CRMP1: variants seen among roughly 807,000 people sequenced by gnomAD.
CRMP1 encodes the protein collapsin response mediator protein 1.
In CRMP1, 19 loss-of-function variants were observed where a neutral mutation model predicts 68.3. The observed-to-expected ratio is 0.28, with a 90% confidence interval of 0.19 to 0.41. The LOEUF is 0.41. Ranked by LOEUF, CRMP1 falls within the 10% of genes least tolerant of loss-of-function variation. The probability of loss-of-function intolerance (pLI) is 1.00; values close to 1 mark genes in which losing one functional copy is unlikely to be tolerated. For missense variants in CRMP1, 791 were observed against 967.4 expected (o/e 0.82, Z 2.42); for synonymous variants, 439 against 399.6 (o/e 1.10, Z -1.18).
In CRMP1 at chr4:5,843,884, G is replaced by A. The variant is rs1395042785; in HGVS notation, c.964-723C>T. Among the ~76,000 whole-genome samples, 1 of 152,090 alleles carries A rather than the reference G, an allele frequency of 6.6e-6. No individual in the cohort carries two copies. Among genetic ancestry groups the A allele is most frequent in the Non-Finnish European group, 1.5e-5 (1 of 68,026 alleles). On this transcript the variant is annotated intron_variant, in intron 6 of 13. Transcript: ENST00000324989. The surrounding 1 kb of genome is among the most constrained non-coding windows in gnomAD (Gnocchi z 4.1). The stretch of plus-strand genomic sequence containing the variant: ...AAACTTATCATATAACCTTGAAATG[G>A]TTCCCTGGGCTGATGGCCTAGATTC...
At chr4:5,857,043 T>TCA (rs1247347794) in intron 3 of CRMP1, among the ~76,000 whole-genome samples, 7 of 65,358 alleles carry the variant, frequency 1.1e-4, no homozygotes, top group Admixed American at 1.1e-3. Context: ...CCATCCACTA[T>TCA]TATCACCACT....
rs1438781047 is a variant in CRMP1, at chr4:5,834,901, C to T, written c.1623+1014G>A. Among the ~76,000 whole-genome samples, 1 of 152,222 alleles carries T rather than the reference C, an allele frequency of 6.6e-6. No individual in the cohort carries two copies. Among genetic ancestry groups the T allele is most frequent in the Non-Finnish European group, 1.5e-5 (1 of 68,040 alleles). ...TGAGCCGGACAAGGTCAGTGAGCAG[C>T]TACCGAGACCTCTGCTTCTGCAGGC... On this transcript the variant is annotated intron_variant, in intron 11 of 13. Transcript: ENST00000324989. This position sits in a 1 kb window ranked among gnomAD's most constrained non-coding sequence, Gnocchi z 4.3.
At position 5,846,067 on chromosome 4, in the gene CRMP1, G is replaced by A. The variant is rs186602885; in HGVS notation, c.964-2906C>T. 2.3e-3 allele frequency among the ~76,000 whole-genome samples: 352 copies of A among 152,240 alleles called. 3 individuals are homozygous for A. The highest frequency in any genetic ancestry group is 7.8e-3 in the African/African-American group (324 of 41,534). ...TCCCAGCACTGTGGGAGGCCGAGGC[G>A]GGCAGATCACTTGAGGTCGGGAGTT... On this transcript the variant is annotated intron_variant, in intron 6 of 13. Coordinates refer to ENST00000324989, the MANE Select transcript of CRMP1 (RefSeq NM_001014809.3).
At chr4:5,840,054 T>C (rs1223196499) in intron 8 of CRMP1, among the ~76,000 whole-genome samples, 3 of 152,220 alleles carry the variant, frequency 2.0e-5, no homozygotes, top group African/African-American at 4.8e-5. Context: ...CTTAGGAATC[T>C]AGTTCAAGAG....
chr4:5,859,484 T>C lies in CRMP1; in HGVS notation c.655+1542A>G, dbSNP rs3890133. On this transcript the variant is annotated intron_variant, in intron 3 of 13. Coordinates refer to ENST00000324989, the MANE Select transcript of CRMP1 (RefSeq NM_001014809.3). The surrounding 1 kb of genome is among the most constrained non-coding windows in gnomAD (Gnocchi z 5.2). ...CCATGCCCATCTCTCAGAACTCTCA[T>C]GTCCCATGCACTACATGAAGGAATC... Among the ~76,000 whole-genome samples the C allele has an allele frequency of 0.4, 61,549 of 152,084 alleles. 15,391 individuals are homozygous for C. The highest frequency in any genetic ancestry group is 0.76 in the East Asian group (3,887 of 5,144).
chr4:5,825,574 G>T lies in CRMP1; in HGVS notation c.1889C>A (p.Ala630Asp). ...AGAAGGCGAAGATTTGGCTGAAGGA[G>T]CGGGAGTTGCATATTTGGGTGTAGC... ...VPATPKYATP[A>D]PSAKSSPSKH... is the part of the protein sequence containing the mutation. Residue 630 changes from alanine (A) to aspartate (D), a missense_variant, in exon 13 of 14, where the codon GCT becomes GAT. This residue lies in a region of CRMP1 where 594 missense variants were observed against 763.6 expected (regional missense o/e 0.78). Coordinates refer to ENST00000324989, the MANE Select transcript of CRMP1 (RefSeq NM_001014809.3). This position sits in a 1 kb window ranked among gnomAD's most constrained non-coding sequence, Gnocchi z 4.4. 1.2e-6 allele frequency: 2 copies of T among 1,602,330 alleles called. No individual in the cohort carries two copies. The highest frequency in any genetic ancestry group is 1.7e-6 in the Non-Finnish European group (2 of 1,176,330).
Position 5,888,107 on chromosome 4 carries a change from C to G in CRMP1, c.381+4482G>C. 1 of 1,138,844 alleles carries G rather than the reference C, an allele frequency of 8.8e-7. No homozygotes were observed. Among genetic ancestry groups the G allele is most frequent in the Non-Finnish European group, 1.1e-6 (1 of 906,716 alleles). The allele number at this position is 1,138,844 out of a possible 1,614,324, so 70.5% of individuals were successfully genotyped here. A position where few individuals can be genotyped will look rare whatever the true frequency, so the allele number is the denominator to read the frequency against. ...CCCGAGACCGGCCCCGCCCCACCCG[C>G]GGCGACGCAGGAGGCCTCGGGGGGC... On this transcript the variant is annotated intron_variant, in intron 1 of 13. Coordinates refer to ENST00000324989, the MANE Select transcript of CRMP1 (RefSeq NM_001014809.3). This position sits in a 1 kb window ranked among gnomAD's most constrained non-coding sequence, Gnocchi z 6.4.
At chr4:5,875,961 GC>G (rs1316153266) in intron 1 of CRMP1, among the ~76,000 whole-genome samples, 1 of 152,014 alleles carries the variant, frequency 6.6e-6, no homozygotes, top group African/African-American at 2.4e-5. Flanking sequence ...GACCATCCTG[GC>G]TAACACAGTG....
Position 5,825,818 on chromosome 4 carries a change from C to A in CRMP1, c.1804-159G>T. The stretch of plus-strand genomic sequence containing the variant: ...ACGCACACACGACAGGTGCACTTCA[C>A]ACACATGCAGCCGCACACAGGCATT... On this transcript the variant is annotated intron_variant, in intron 12 of 13. Transcript: ENST00000324989. The surrounding 1 kb of genome is among the most constrained non-coding windows in gnomAD (Gnocchi z 4.4). The A allele has an allele frequency of 1.5e-6, 1 of 684,738 alleles. No homozygotes were observed. Among genetic ancestry groups the A allele is most frequent in the South Asian group, 1.9e-5 (1 of 52,282 alleles). The allele number at this position is 684,738 out of a possible 1,614,324, so 42.4% of individuals were successfully genotyped here.
intron 1 of CRMP1, among the ~76,000 whole-genome samples, chr4:5,868,294 T>G (rs1284222183): frequency 2.4e-5 from 3 of 126,776 alleles, no homozygotes; most frequent in African/African-American, 5.6e-5. Flanking sequence ...TATATATATA[T>G]ATATATATAC....
At position 5,821,959 on chromosome 4, in the gene CRMP1, TC is replaced by T; in HGVS notation, c.1970-109del. 3 of 850,238 alleles carry T rather than the reference TC, an allele frequency of 3.5e-6. No individual in the cohort carries two copies. The highest frequency in any genetic ancestry group is 5.1e-6 in the Non-Finnish European group (3 of 588,904). The allele number at this position is 850,238 out of a possible 1,614,324, so 52.7% of individuals were successfully genotyped here. ...TGCACTCCACTGGACCCACCTTCAT[TC>T]AGGGCTCAGTCCAGGACCAGCCATG... On this transcript the variant is annotated intron_variant, in intron 13 of 13. Coordinates refer to ENST00000324989, the MANE Select transcript of CRMP1 (RefSeq NM_001014809.3). The surrounding 1 kb of genome is among the most constrained non-coding windows in gnomAD (Gnocchi z 4.4).
At chr4:5,869,297 A>AT (rs1485819308) in intron 1 of CRMP1, among the ~76,000 whole-genome samples, 1 of 151,918 alleles carries the variant, frequency 6.6e-6, no homozygotes, top group East Asian at 1.9e-4. Context: ...CCATGTGCTT[A>AT]TTTTACCATT....
chr4:5,831,555 A>G (rs537475312), intron 11 of CRMP1, among the ~76,000 whole-genome samples: 22 of 152,100 alleles, frequency 1.4e-4, no homozygotes, highest in Non-Finnish European at 2.9e-4. Context: ...GTGCCGAGGG[A>G]CACATGGATT....
rs1391353466 is a variant in CRMP1, at chr4:5,859,838, G to A, written c.655+1188C>T. On this transcript the variant is annotated intron_variant, in intron 3 of 13. Transcript: ENST00000324989. The surrounding 1 kb of genome is among the most constrained non-coding windows in gnomAD (Gnocchi z 5.2). ...TCAGCCCACAGACCACACTTCCAAAGGGACTCCTTTGTGAAGGAGCGGGAG... is the reference window on the plus strand; with the variant it reads ...TCAGCCCACAGACCACACTTCCAAAAGGACTCCTTTGTGAAGGAGCGGGAG... Among the ~76,000 whole-genome samples, 1 of 152,210 alleles carries A rather than the reference G, an allele frequency of 6.6e-6. No homozygotes were observed. The highest frequency in any genetic ancestry group is 1.5e-5 in the Non-Finnish European group (1 of 68,040).
At chr4:5,831,964 G>A (rs1720410940) in intron 11 of CRMP1, among the ~76,000 whole-genome samples, 1 of 152,148 alleles carries the variant, frequency 6.6e-6, no homozygotes, top group Admixed American at 6.5e-5. Context: ...ACTAAACGTG[G>A]TCCATCCCTA....
rs1038579526 is a variant in CRMP1, at chr4:5,824,365, G to A, written c.1969+1129C>T. 5 of 985,282 alleles carry A rather than the reference G, an allele frequency of 5.1e-6. No homozygotes were observed. In the East Asian group the frequency reaches 5.7e-4, roughly 112 times the overall value. 61.0% of individuals were successfully genotyped at this position (985,282 alleles called of 1,614,324 possible). A position where few individuals can be genotyped will look rare whatever the true frequency, so the allele number is the denominator to read the frequency against. On this transcript the variant is annotated intron_variant, in intron 13 of 13. Coordinates refer to ENST00000324989, the MANE Select transcript of CRMP1 (RefSeq NM_001014809.3). ...AGCTCTTCCATCAAAGTCTTATGGA[G>A]AGTGAGATGAATGGGGAGGCCTCCT... is the stretch of plus-strand genomic sequence containing the variant.
chr4:5,833,356 C>A (rs546738328), intron 11 of CRMP1, among the ~76,000 whole-genome samples: 1 of 102,568 alleles, frequency 9.7e-6, no homozygotes, highest in Non-Finnish European at 2.1e-5. Context: ...TTAGTAGAGA[C>A]AGGGTTTCAC....
chr4:5,867,446 CATTT>C (rs550940392), intron 1 of CRMP1, among the ~76,000 whole-genome samples: 111 of 152,264 alleles, frequency 7.3e-4, no homozygotes, highest in Middle Eastern at 6.8e-3. Context: ...AACTTAGAGA[CATTT>C]AAAAAGATAG....
rs867732917 is a variant in CRMP1, at chr4:5,834,175, C to A, written c.1623+1740G>T. On this transcript the variant is annotated intron_variant, in intron 11 of 13. Coordinates refer to ENST00000324989, the MANE Select transcript of CRMP1 (RefSeq NM_001014809.3). This position sits in a 1 kb window ranked among gnomAD's most constrained non-coding sequence, Gnocchi z 4.3. ...TCTAGATAAGGATCACCTTGTGAAG[C>A]AAGGGGCAGCTCCCACAGCCAGATG... Among the ~76,000 whole-genome samples, 25 of 152,216 alleles carry A rather than the reference C, an allele frequency of 1.6e-4. No individual in the cohort carries two copies. Among genetic ancestry groups the A allele is most frequent in the African/African-American group, 5.8e-4 (24 of 41,458 alleles).
Sources: gnomAD v4.1 joint callset for allele counts (sites outside exome capture counted in the v4.1 genomes callset) on GRCh38, gnomAD v4.1.1 for gene constraint, gnomAD v4.1.1 regional missense constraint, Gnocchi (gnomAD v3.1) non-coding constraint, MANE v1.5 for transcripts, NCBI Gene and HGNC (gene_info 2026-07-23, HGNC 2026-07-21) for gene names.